The following NLGN1 variants were observed in gnomAD, a reference collection of about 807,000 sequenced individuals.
NLGN1 encodes neuroligin-1.
NLGN1 carries 12 observed loss-of-function variants against 65.5 expected under a neutral mutation model. The observed-to-expected ratio is 0.18, with a 90% CI of 0.12 to 0.30. The LOEUF is 0.30. Among genes scored for constraint, NLGN1 ranks in the 10% least tolerant of loss-of-function variants. The probability of loss-of-function intolerance (pLI) is 1.00; values close to 1 mark genes in which losing one functional copy is unlikely to be tolerated. For synonymous variants in NLGN1, 350 were observed against 359.5 expected (o/e 0.97, Z 0.30); for missense variants, 750 against 1,007.1 (o/e 0.74, Z 3.46).
chr3:173,966,979 C>T (rs757220170), intron 4 of NLGN1, among the ~76,000 whole-genome samples: 3 of 152,106 alleles, frequency 2.0e-5, no homozygotes, highest in Non-Finnish European at 4.4e-5. Flanking sequence ...GGAAAAAATT[C>T]ATATAGTTTG....
chr3:173,989,894 C>G (rs1378321079), intron 4 of NLGN1, among the ~76,000 whole-genome samples: 1 of 152,050 alleles, frequency 6.6e-6, no homozygotes, highest in African/African-American at 2.4e-5. Flanking sequence ...CTTATCAGAG[C>G]CATTTTTGCA....
At chr3:173,834,512 A>G (rs1464004660) in intron 4 of NLGN1, among the ~76,000 whole-genome samples, 1 of 152,158 alleles carries the variant, frequency 6.6e-6, no homozygotes, top group Non-Finnish European at 1.5e-5. Flanking sequence ...AGTAAAGCTT[A>G]TTGGTTAAGT....
At chr3:174,093,373 G>C (rs1296927475) in intron 4 of NLGN1, among the ~76,000 whole-genome samples, 2 of 152,180 alleles carry the variant, frequency 1.3e-5, no homozygotes, top group East Asian at 3.9e-4. Context: ...CCTGTTAGAA[G>C]ATGAGAGTAT....
intron 4 of NLGN1, among the ~76,000 whole-genome samples, chr3:173,923,279 T>C (rs1742395338): frequency 6.6e-6 from 1 of 152,132 alleles, no homozygotes; most frequent in Non-Finnish European, 1.5e-5. Flanking sequence ...TGTTTTGTGG[T>C]AATTGTTTTC....
chr3:173,753,543 A>T (rs1456743474), intron 3 of NLGN1, among the ~76,000 whole-genome samples: 7 of 152,172 alleles, frequency 4.6e-5, no homozygotes, highest in Admixed American at 4.6e-4. Flanking sequence ...CCCTGGATGA[A>T]ACCACTGTTA....
intron 4 of NLGN1, among the ~76,000 whole-genome samples, chr3:174,200,844 A>G (rs2152774455): frequency 6.6e-6 from 1 of 152,268 alleles, no homozygotes; most frequent in South Asian, 2.1e-4. Flanking sequence ...AGACACAACT[A>G]TTCTAATTAC....
chr3:173,879,250 AG>A (rs1456239033), intron 4 of NLGN1, among the ~76,000 whole-genome samples: 1 of 151,632 alleles, frequency 6.6e-6, no homozygotes, highest in East Asian at 1.9e-4. Context: ...AAAAAAAGAA[AG>A]AAAGAAAAAA....
chr3:173,616,872 T>C (rs1310584560), intron 3 of NLGN1, among the ~76,000 whole-genome samples: 4 of 152,176 alleles, frequency 2.6e-5, no homozygotes, highest in Non-Finnish European at 4.4e-5. Context: ...TTAATTCCCC[T>C]CAAGGATTCT....
chr3:173,503,082 T>TTGTGTG (rs144519410), intron 2 of NLGN1, among the ~76,000 whole-genome samples: 17 of 149,818 alleles, frequency 1.1e-4, no homozygotes, highest in African/African-American at 3.9e-4. Flanking sequence ...ATATGGCATG[T>TTGTGTG]TGTGTGTGTG....
chr3:173,756,209 C>T (rs1349102991), intron 3 of NLGN1, among the ~76,000 whole-genome samples: 1 of 151,274 alleles, frequency 6.6e-6, no homozygotes, highest in Admixed American at 6.6e-5. Context: ...TGTGGTAAGA[C>T]CCATGAATTT....
chr3:173,426,501 G>GT (rs1484469342), intron 1 of NLGN1, among the ~76,000 whole-genome samples: 3 of 152,016 alleles, frequency 2.0e-5, no homozygotes, highest in Admixed American at 6.5e-5. Context: ...TTTGGGGTAT[G>GT]TTTTTTTCTA....
At chr3:173,826,994 T>C (rs1467587760) in intron 4 of NLGN1, among the ~76,000 whole-genome samples, 1 of 151,968 alleles carries the variant, frequency 6.6e-6, no homozygotes, top group Non-Finnish European at 1.5e-5. Context: ...AAATAAAACA[T>C]TGTGATCTCC....
chr3:173,865,251 T>TA (rs1729908372), intron 4 of NLGN1, among the ~76,000 whole-genome samples: 1 of 152,170 alleles, frequency 6.6e-6, no homozygotes, highest in Non-Finnish European at 1.5e-5. Context: ...TCTTTTTTTT[T>TA]AATCTCAATT....
At chr3:173,892,604 A>G (rs898402491) in intron 4 of NLGN1, among the ~76,000 whole-genome samples, 6 of 152,044 alleles carry the variant, frequency 3.9e-5, no homozygotes, top group African/African-American at 1.4e-4. Flanking sequence ...ACAGTTAAGA[A>G]ATGAGGAATA....
intron 4 of NLGN1, among the ~76,000 whole-genome samples, chr3:173,980,616 A>C (rs1003312788): frequency 7.2e-5 from 11 of 152,132 alleles, no homozygotes; most frequent in Non-Finnish European, 1.5e-4. Context: ...TGATCAAAAT[A>C]TAAAGACACA....
chr3:173,619,290 A>G (rs900303167), intron 3 of NLGN1, among the ~76,000 whole-genome samples: 1 of 152,182 alleles, frequency 6.6e-6, no homozygotes, highest in African/African-American at 2.4e-5. Flanking sequence ...AAGGGGAGCA[A>G]TGAAAAAAAG....
At chr3:174,126,194 GT>G (rs1228371449) in intron 4 of NLGN1, among the ~76,000 whole-genome samples, 2 of 151,872 alleles carry the variant, frequency 1.3e-5, no homozygotes, top group East Asian at 3.9e-4. Flanking sequence ...CTGTTTCTTT[GT>G]TTGTTTGTTT....
chr3:174,123,120 A>G (rs1051571509), intron 4 of NLGN1, among the ~76,000 whole-genome samples: 3 of 152,074 alleles, frequency 2.0e-5, no homozygotes, highest in African/African-American at 7.2e-5. Context: ...AATTTAAGGT[A>G]AATTCACCTA....
intron 2 of NLGN1, among the ~76,000 whole-genome samples, chr3:173,475,541 A>G (rs79601625): frequency 2.1e-4 from 32 of 152,306 alleles, no homozygotes; most frequent in African/African-American, 7.2e-4. Context: ...ATGGTTTGCT[A>G]ATTTTTTTCT....
Sources: gnomAD v4.1 joint callset for allele counts (sites outside exome capture counted in the v4.1 genomes callset) on GRCh38, gnomAD v4.1.1 for gene constraint, MANE v1.5 for transcripts, NCBI Gene and HGNC (gene_info 2026-07-23, HGNC 2026-07-21) for gene names.